Variants in KITLG observed in about 807,000 individuals in gnomAD.
The protein encoded by KITLG is KIT ligand, also known as c-Kit ligand.
KITLG carries 13 observed loss-of-function variants against 34.1 expected under a neutral mutation model. The ratio of observed to expected loss-of-function variants is 0.38; its 90% CI spans 0.25 to 0.61. KITLG has a LOEUF of 0.61. Ranked by LOEUF, KITLG falls within the 20% of genes least tolerant of loss-of-function variation. The pLI, the probability that KITLG is intolerant of heterozygous loss-of-function variation, is 0.60. For missense variants in KITLG, 292 were observed against 318.9 expected (o/e 0.92, Z 0.64); for synonymous variants, 110 against 104.0 (o/e 1.06, Z -0.35).
At chr12:88,537,713 A>G (rs1211279099) in intron 2 of KITLG, among the ~76,000 whole-genome samples, 1 of 152,176 alleles carries the variant, frequency 6.6e-6, no homozygotes, top group Non-Finnish European at 1.5e-5. Flanking sequence ...TTTGGTCCCA[A>G]GCATTTTGGG....
At chr12:88,537,696 A>T (rs1187687368) in intron 2 of KITLG, among the ~76,000 whole-genome samples, 1 of 152,144 alleles carries the variant, frequency 6.6e-6, no homozygotes, top group African/African-American at 2.4e-5. Context: ...ATGAAATCTG[A>T]AACACTTTTG....
At chr12:88,539,580 T>C (rs1248845056) in intron 2 of KITLG, among the ~76,000 whole-genome samples, 1 of 152,086 alleles carries the variant, frequency 6.6e-6, no homozygotes, top group Non-Finnish European at 1.5e-5. Flanking sequence ...TTACCTATAG[T>C]TTTCAAATGT....
intron 1 of KITLG, among the ~76,000 whole-genome samples, chr12:88,560,993 A>C (rs35291968): frequency 1.5e-5 from 2 of 135,706 alleles, no homozygotes; most frequent in Non-Finnish European, 3.3e-5. Flanking sequence ...AAAAAAAAAA[A>C]GAAAGAAAGA....
At chr12:88,524,904 TAG>T (rs1189100649) in intron 3 of KITLG, among the ~76,000 whole-genome samples, 1 of 152,198 alleles carries the variant, frequency 6.6e-6, no homozygotes, top group East Asian at 1.9e-4. Flanking sequence ...TCTATTTTTA[TAG>T]AGAGAATGCC....
At chr12:88,515,385 C>T in intron 6 of KITLG, 149 bp downstream of exon 6, 1 of 577,496 alleles carries the variant, frequency 1.7e-6, no homozygotes, top group Non-Finnish European at 3.1e-6. Flanking sequence ...ATTCTACAAA[C>T]TTAAGTCTCA....
At chr12:88,536,732 C>T (rs1391245603) in intron 2 of KITLG, among the ~76,000 whole-genome samples, 5 of 152,002 alleles carry the variant, frequency 3.3e-5, no homozygotes, top group Admixed American at 1.3e-4. Context: ...ACTAACACAA[C>T]AACAGAAAAC....
chr12:88,516,966 G>T (rs1405102667), intron 4 of KITLG, among the ~76,000 whole-genome samples: 4 of 151,740 alleles, frequency 2.6e-5, no homozygotes, highest in Non-Finnish European at 5.9e-5. Flanking sequence ...TGGTACATTT[G>T]ATATTATCCA....
At chr12:88,580,081 T>C (rs1036099750) in intron 1 of KITLG, 183 bp downstream of exon 1, 11 of 662,848 alleles carry the variant, frequency 1.7e-5, no homozygotes, top group Non-Finnish European at 3.0e-5. Context: ...CTTTTCTCCC[T>C]GGCTCACCCG....
chr12:88,531,422 C>G (rs1870086573), intron 3 of KITLG, among the ~76,000 whole-genome samples: 1 of 152,090 alleles, frequency 6.6e-6, no homozygotes, highest in South Asian at 2.1e-4. Flanking sequence ...ATATTTGAAG[C>G]AAATATTGCA....
chr12:88,554,111 T>C (rs1181482784), intron 1 of KITLG, among the ~76,000 whole-genome samples: 1 of 152,100 alleles, frequency 6.6e-6, no homozygotes. Context: ...AAACAAACCA[T>C]GGACTTAATC....
intron 2 of KITLG, among the ~76,000 whole-genome samples, chr12:88,536,069 A>G (rs1352937958): frequency 6.6e-6 from 1 of 152,216 alleles, no homozygotes; most frequent in Non-Finnish European, 1.5e-5. Flanking sequence ...ATTAAACTAA[A>G]GAGCTACTAC....
chr12:88,557,897 C>T (rs1255544952), intron 1 of KITLG, among the ~76,000 whole-genome samples: 1 of 151,998 alleles, frequency 6.6e-6, no homozygotes. Flanking sequence ...CCCTGATGTA[C>T]AAGAATCTGA....
intron 1 of KITLG, 91 bp downstream of exon 1, chr12:88,580,173 G>A: frequency 7.3e-7 from 1 of 1,366,306 alleles, no homozygotes; most frequent in Non-Finnish European, 1.0e-6. Flanking sequence ...GCACGCCCCA[G>A]CTGCAAGTCC....
rs756741815 is a variant in KITLG at position 88,545,847 on chromosome 12, T to C, written c.34A>G (p.Ile12Val). The part of the protein sequence containing the change: ...KKTQTWILTC[I>V]YLQLLLFNPL... The stretch of plus-strand genomic sequence containing the variant: ...TTAAATAGGAGCAGCTGAAGATAAA[T>C]GCAAGTGAGAATCCAAGTCTAAATG... The change falls in exon 2 of 10, where the codon ATT becomes GTT. Residue 12 changes from isoleucine to valine, a missense_variant. Around this residue, in one of 2 missense-constraint regions of KITLG, gnomAD observed 152 missense variants for 207.9 expected, o/e 0.73. Coordinates refer to ENST00000644744, the MANE Select transcript of KITLG (RefSeq NM_000899.5). 2 of 1,609,062 alleles carry C rather than the reference T, an allele frequency of 1.2e-6. No homozygotes were observed. Among genetic ancestry groups the C allele is most frequent in the South Asian group, 2.2e-5 (2 of 90,972 alleles).
chr12:88,505,350 C>T, intron 8 of KITLG, 115 bp from the exon 9 acceptor site: 2 of 764,874 alleles, frequency 2.6e-6, no homozygotes, highest in East Asian at 2.7e-5. Context: ...CAGAAGATTG[C>T]AAAATTGAAT....
chr12:88,501,069 C>A (rs1002708882), intron 9 of KITLG, among the ~76,000 whole-genome samples: 1 of 152,150 alleles, frequency 6.6e-6, no homozygotes, highest in Non-Finnish European at 1.5e-5. Flanking sequence ...AATGAGCTAC[C>A]ACTCCTGGCC....
chr12:88,518,591 A>G, intron 4 of KITLG, 106 bp downstream of exon 4: 4 of 878,856 alleles, frequency 4.6e-6, no homozygotes, highest in Non-Finnish European at 7.4e-6. Context: ...AGTTTATACA[A>G]TCAAAATATC....
intron 2 of KITLG, among the ~76,000 whole-genome samples, chr12:88,536,381 TTGG>T (rs1870317460): frequency 6.6e-6 from 1 of 151,912 alleles, no homozygotes; most frequent in Non-Finnish European, 1.5e-5. Context: ...GGCTGTCATG[TTGG>T]TGGGAGTGTA....
intron 3 of KITLG, among the ~76,000 whole-genome samples, chr12:88,521,533 TTAAA>T (rs1332798647): frequency 6.6e-6 from 1 of 152,146 alleles, no homozygotes; most frequent in East Asian, 1.9e-4. Flanking sequence ...TATTTTAAAC[TTAAA>T]TAGTTTTATA....
Sources: gnomAD v4.1 joint callset for allele counts (sites outside exome capture counted in the v4.1 genomes callset) on GRCh38, gnomAD v4.1.1 for gene constraint, gnomAD v4.1.1 regional missense constraint, MANE v1.5 for transcripts, NCBI Gene and HGNC (gene_info 2026-07-23, HGNC 2026-07-21) for gene names.